Variants in IQCK observed in about 807,000 individuals in gnomAD.
IQCK encodes the protein IQ motif containing K, also known as IQ domain-containing protein K.
IQCK carries 29 observed loss-of-function variants against 28.1 expected under a neutral mutation model. The ratio of observed to expected loss-of-function variants is 1.03; its 90% confidence interval spans 0.77 to 1.41. The LOEUF (loss-of-function observed/expected upper bound fraction) is 1.41, where lower values mean the gene tolerates loss of function less well. Among genes scored for constraint, IQCK ranks in the 40% most tolerant of loss-of-function variants. IQCK has a pLI of 0.00. For missense variants in IQCK, 359 were observed against 314.7 expected (o/e 1.14, Z -1.07); for synonymous variants, 113 against 115.1 (o/e 0.98, Z 0.12).
At chr16:19,846,544 C>T (rs545929539) in intron 9 of IQCK, among the ~76,000 whole-genome samples, 3 of 152,324 alleles carry the variant, frequency 2.0e-5, no homozygotes, top group African/African-American at 7.2e-5. Flanking sequence ...GGAGACTTTG[C>T]TCTGGATTAA....
At chr16:19,759,275 GAT>G (rs2055099256) in intron 4 of IQCK, among the ~76,000 whole-genome samples, 3 of 152,098 alleles carry the variant, frequency 2.0e-5, no homozygotes, top group Non-Finnish European at 4.4e-5. Flanking sequence ...GCAGTGGCGT[GAT>G]AGCTCACCGC....
At chr16:19,786,714 GAGAA>G (rs1430373512) in intron 6 of IQCK, among the ~76,000 whole-genome samples, 1 of 142,030 alleles carries the variant, frequency 7.0e-6, no homozygotes, top group African/African-American at 3.0e-5. Flanking sequence ...GAAAGAAAGA[GAGAA>G]AGAGAGGAAG....
At chr16:19,766,379 T>A (rs760730970) in intron 6 of IQCK, among the ~76,000 whole-genome samples, 1 of 152,246 alleles carries the variant, frequency 6.6e-6, no homozygotes, top group Non-Finnish European at 1.5e-5. Flanking sequence ...ACCATCCACG[T>A]GCCCTTCCTG....
chr16:19,759,837 G>T (rs1280465442), intron 4 of IQCK, among the ~76,000 whole-genome samples: 1 of 152,190 alleles, frequency 6.6e-6, no homozygotes, highest in African/African-American at 2.4e-5. Context: ...AAATATATTA[G>T]CCAGGTGTGG....
chr16:19,773,782 A>G (rs544170878), intron 6 of IQCK, among the ~76,000 whole-genome samples: 26 of 152,358 alleles, frequency 1.7e-4, no homozygotes, highest in African/African-American at 6.3e-4. Flanking sequence ...CCATGGTCTC[A>G]TGTAAAAGCA....
intron 6 of IQCK, among the ~76,000 whole-genome samples, chr16:19,767,635 C>T (rs2055259032): frequency 1.3e-5 from 2 of 152,052 alleles, no homozygotes; most frequent in Admixed American, 1.3e-4. Context: ...GGGTGTCTGC[C>T]CGCTAGGGTC....
intron 7 of IQCK, among the ~76,000 whole-genome samples, chr16:19,818,525 T>A (rs2056020764): frequency 6.6e-6 from 1 of 152,162 alleles, no homozygotes; most frequent in Admixed American, 6.6e-5. Flanking sequence ...CTTGAGTAGC[T>A]GGGATTACAG....
chr16:19,816,826 A>T (rs1358362550), intron 7 of IQCK, among the ~76,000 whole-genome samples: 2 of 152,212 alleles, frequency 1.3e-5, no homozygotes, highest in African/African-American at 2.4e-5. Context: ...AGAGCTTGCT[A>T]TGTGTAATGA....
intron 4 of IQCK, among the ~76,000 whole-genome samples, chr16:19,749,272 T>G (rs1365642887): frequency 1.3e-5 from 2 of 152,208 alleles, no homozygotes; most frequent in Non-Finnish European, 2.9e-5. Context: ...GGAAAGATCA[T>G]CTGTCAGTTA....
At chr16:19,719,364 G>T (rs766105585) in intron 1 of IQCK, among the ~76,000 whole-genome samples, 9 of 151,834 alleles carry the variant, frequency 5.9e-5, no homozygotes, top group Non-Finnish European at 1.2e-4. Context: ...TTTTTCATTC[G>T]TGTGGCCACC....
At chr16:19,839,854 G>A (rs185188700) in intron 9 of IQCK, among the ~76,000 whole-genome samples, 136 of 152,092 alleles carry the variant, frequency 8.9e-4, no homozygotes, top group African/African-American at 3.2e-3. Context: ...AAATAACTGG[G>A]TAGCGTGGTG....
At chr16:19,732,782 AC>A (rs1977882025) in intron 2 of IQCK, among the ~76,000 whole-genome samples, 3 of 152,032 alleles carry the variant, frequency 2.0e-5, no homozygotes, top group Non-Finnish European at 4.4e-5. Context: ...TTCTTACGCT[AC>A]CATCATGGTG....
chr16:19,770,374 C>T (rs547602627), intron 6 of IQCK, among the ~76,000 whole-genome samples: 1 of 152,248 alleles, frequency 6.6e-6, no homozygotes, highest in African/African-American at 2.4e-5. Context: ...AGGTTTAAAA[C>T]AACACAAATT....
chr16:19,828,522 G>A (rs2056182661), downstream of IQCK, among the ~76,000 whole-genome samples: 1 of 151,970 alleles, frequency 6.6e-6, no homozygotes, highest in Non-Finnish European at 1.5e-5. Flanking sequence ...ACAGGCATGA[G>A]CCACCGTGCC....
intron 4 of IQCK, among the ~76,000 whole-genome samples, chr16:19,750,444 TG>T (rs1329609706): frequency 6.7e-6 from 1 of 149,270 alleles, no homozygotes; most frequent in Non-Finnish European, 1.5e-5. Flanking sequence ...ATGAGAATTT[TG>T]TGTTTTTTTG....
chr16:19,854,062 A>C (rs762437304), intron 9 of IQCK, among the ~76,000 whole-genome samples: 1 of 152,260 alleles, frequency 6.6e-6, no homozygotes, highest in Non-Finnish European at 1.5e-5. Flanking sequence ...TCTAAGCCCC[A>C]TCTGTGTCTC....
chr16:19,847,683 G>T (rs893396002), intron 9 of IQCK, among the ~76,000 whole-genome samples: 1 of 152,308 alleles, frequency 6.6e-6, no homozygotes, highest in African/African-American at 2.4e-5. Flanking sequence ...TTGTCGTGTT[G>T]CTGTTGTAGC....
At chr16:19,827,917 CTT>C, downstream of IQCK, among the ~76,000 whole-genome samples, 1 of 146,474 alleles carries the variant, frequency 6.8e-6, no homozygotes. Context: ...CCGATATCTT[CTT>C]TTTTTTTTTT....
Position 19,746,542 on chromosome 16 carries a change from T to C in IQCK, c.474+11092T>C, listed in dbSNP as rs576258774. Among the ~76,000 whole-genome samples the C allele has an allele frequency of 6.7e-4, 102 of 152,314 alleles. 3 individuals carry two copies. The South Asian group carries it at 0.018, about 27-fold the overall frequency. Reference sequence around the variant, plus strand: ...TGTGACTCTTAGAATTGCCGTCAGATCTAGTTTGTAAGCCATGCAAGAAAA... The same window carrying C: ...TGTGACTCTTAGAATTGCCGTCAGACCTAGTTTGTAAGCCATGCAAGAAAA... On this transcript the variant is annotated intron_variant, in intron 4 of 7. Coordinates refer to ENST00000564186, the Ensembl canonical transcript of IQCK.
Sources: allele counts gnomAD v4.1 joint callset (sites outside exome capture counted in the v4.1 genomes callset), GRCh38; gene constraint gnomAD v4.1.1; transcripts MANE v1.5; gene names NCBI Gene and HGNC (gene_info 2026-07-23, HGNC 2026-07-21).